Variants in NBEA observed in about 807,000 individuals in gnomAD.
NBEA encodes the protein lysosomal-trafficking regulator 2.
In NBEA, 44 loss-of-function variants were observed where a neutral mutation model predicts 343.4. The observed-to-expected ratio is 0.13, with a 90% confidence interval of 0.10 to 0.16. NBEA has a LOEUF of 0.16. Among genes scored for constraint, NBEA ranks in the 10% least tolerant of loss-of-function variants. The probability of loss-of-function intolerance (pLI) is 1.00; values close to 1 mark genes in which losing one functional copy is unlikely to be tolerated. For synonymous variants in NBEA, 1,175 were observed against 1,238.7 expected (o/e 0.95, Z 1.08); for missense variants, 2,555 against 3,631.3 (o/e 0.70, Z 7.62).
intron 49 of NBEA, among the ~76,000 whole-genome samples, chr13:35,636,769 G>C (rs190530515): frequency 6.6e-6 from 1 of 152,266 alleles, no homozygotes; most frequent in East Asian, 1.9e-4. Flanking sequence ...CTCTACTTAG[G>C]TACCATTTAA....
At chr13:35,623,286 A>G (rs2153062263) in intron 48 of NBEA, among the ~76,000 whole-genome samples, 1 of 152,328 alleles carries the variant, frequency 6.6e-6, no homozygotes, top group East Asian at 1.9e-4. Flanking sequence ...AACAGATACC[A>G]ATGACCGGTC....
chr13:35,044,550 T>C (rs2062772243), intron 2 of NBEA, among the ~76,000 whole-genome samples: 2 of 152,014 alleles, frequency 1.3e-5, no homozygotes, highest in African/African-American at 4.8e-5. Context: ...TTTAAATCTT[T>C]GTACATTTGC....
chr13:35,373,151 A>T (rs146966839), intron 38 of NBEA, among the ~76,000 whole-genome samples: 2 of 152,044 alleles, frequency 1.3e-5, no homozygotes, highest in East Asian at 3.9e-4. Context: ...ATCTCAGCTG[A>T]GTGGGCTGCC....
rs1468787318 is a variant in NBEA at position 35,545,118 on chromosome 13, G to A, written c.6586-5359G>A. On this transcript the variant is annotated intron_variant, in intron 41 of 58. Transcript: ENST00000379939. ...AAACTTATAGAAAATTATGTAACCA[G>A]TAAAGGTATAAATAAAGAAGACGAT... 2.0e-5 allele frequency among the ~76,000 whole-genome samples: 3 copies of A among 152,090 alleles called. No individual in the cohort carries two copies. In the East Asian group the frequency reaches 5.8e-4, roughly 29 times the overall value.
chr13:35,179,909 G>A (rs1044566820), intron 28 of NBEA: 5 of 473,780 alleles, frequency 1.1e-5, no homozygotes, highest in Non-Finnish European at 1.1e-5. Context: ...TGTAGTGCAA[G>A]GAATATGCAT....
chr13:35,450,554 T>C (rs1436660424), intron 39 of NBEA, among the ~76,000 whole-genome samples: 1 of 152,084 alleles, frequency 6.6e-6, no homozygotes, highest in Non-Finnish European at 1.5e-5. Context: ...AGTTCTATGG[T>C]CTGGGCCTGG....
At chr13:34,968,418 A>G (rs1234853842) in intron 1 of NBEA, among the ~76,000 whole-genome samples, 4 of 152,150 alleles carry the variant, frequency 2.6e-5, no homozygotes, top group African/African-American at 9.7e-5. Flanking sequence ...TGTTAGCATG[A>G]GCTCAGCTAT....
Position 35,052,060 on chromosome 13 carries a change from G to A in NBEA, c.972+1665G>A, listed in dbSNP as rs145224383. On this transcript the variant is annotated intron_variant, in intron 6 of 58. Coordinates refer to ENST00000379939, the MANE Select transcript of NBEA (RefSeq NM_001385012.1). ...GCTCTCAATATGCAGTGAATCTAAG[G>A]GGTCTAGTTAGGAGCAGGGCCAGAG... 2.4e-3 allele frequency among the ~76,000 whole-genome samples: 371 copies of A among 152,052 alleles called. 2 individuals carry two copies. The highest frequency in any genetic ancestry group is 0.014 in the Middle Eastern group (4 of 294).
chr13:35,009,103 C>T (rs2061404850), intron 1 of NBEA, among the ~76,000 whole-genome samples: 1 of 152,124 alleles, frequency 6.6e-6, no homozygotes, highest in Non-Finnish European at 1.5e-5. Context: ...TTCTGATTCC[C>T]AGCTCATTGG....
intron 38 of NBEA, among the ~76,000 whole-genome samples, chr13:35,377,392 G>C (rs563849458): frequency 6.0e-4 from 91 of 152,132 alleles, no homozygotes; most frequent in African/African-American, 2.1e-3. Flanking sequence ...GTTGAGGCTG[G>C]CCATGAGAAG....
chr13:34,961,063 A>G (rs2059645662), intron 1 of NBEA, among the ~76,000 whole-genome samples: 2 of 152,068 alleles, frequency 1.3e-5, no homozygotes, highest in Admixed American at 6.6e-5. Flanking sequence ...TACAACAGAG[A>G]TTTGAATTCC....
intron 17 of NBEA, among the ~76,000 whole-genome samples, chr13:35,135,520 A>G (rs900282036): frequency 1.3e-5 from 2 of 152,080 alleles, no homozygotes; most frequent in African/African-American, 4.8e-5. Context: ...AATTATATAA[A>G]GATAAAATTG....
intron 38 of NBEA, among the ~76,000 whole-genome samples, 174 bp from the exon 39 acceptor site, chr13:35,432,095 A>AATAT (rs142474233): frequency 6.6e-6 from 1 of 150,934 alleles, no homozygotes; most frequent in African/African-American, 2.4e-5. Flanking sequence ...TTGTAGAGGA[A>AATAT]ATATATATAT....
chr13:35,495,277 G>A (rs2076637899), intron 41 of NBEA, among the ~76,000 whole-genome samples: 2 of 151,820 alleles, frequency 1.3e-5, no homozygotes, highest in Non-Finnish European at 2.9e-5. Flanking sequence ...TACATACAAA[G>A]AGAAACACTT....
intron 35 of NBEA, 114 bp downstream of exon 35, chr13:35,290,564 A>C (rs1167214130): frequency 1.4e-5 from 9 of 655,502 alleles, no homozygotes; most frequent in Non-Finnish European, 2.1e-5. Flanking sequence ...ATTTCCATCT[A>C]TTATCCCATA....
chr13:35,242,135 T>C (rs2030409287), intron 34 of NBEA, among the ~76,000 whole-genome samples: 1 of 151,872 alleles, frequency 6.6e-6, no homozygotes, highest in South Asian at 2.1e-4. Context: ...TTAATATGCC[T>C]ATGAGCCAAA....
intron 38 of NBEA, among the ~76,000 whole-genome samples, chr13:35,406,297 CT>C (rs10638454): frequency 0.41 from 59,183 of 144,120 alleles, 12,708 homozygotes; most frequent in East Asian, 0.66. Flanking sequence ...TCAGCCAAAT[CT>C]TTTTTTTTTT....
intron 40 of NBEA, 84 bp from the exon 41 acceptor site, chr13:35,472,316 A>T (rs2075687308): frequency 1.4e-6 from 2 of 1,477,272 alleles, no homozygotes; most frequent in Non-Finnish European, 1.8e-6. Flanking sequence ...CATCCTTACC[A>T]ATAAAAACCT....
At chr13:35,144,419 G>A (rs2068287476) in intron 18 of NBEA, among the ~76,000 whole-genome samples, 1 of 152,110 alleles carries the variant, frequency 6.6e-6, no homozygotes, top group Admixed American at 6.5e-5. Flanking sequence ...TGAGGTCCTA[G>A]GTGAACCTCC....
Sources: gnomAD v4.1 joint callset for allele counts (sites outside exome capture counted in the v4.1 genomes callset) on GRCh38, gnomAD v4.1.1 for gene constraint, MANE v1.5 for transcripts, NCBI Gene and HGNC (gene_info 2026-07-23, HGNC 2026-07-21) for gene names.